PRICKLE2: variants seen among roughly 807,000 people sequenced by gnomAD.
The protein encoded by PRICKLE2 is prickle-like protein 2.
PRICKLE2 carries 21 observed loss-of-function variants against 81.4 expected under a neutral mutation model. The observed-to-expected ratio is 0.26, with a 90% CI of 0.18 to 0.37. PRICKLE2 has a LOEUF of 0.37. PRICKLE2 is among the 10% of genes least tolerant of loss of function. The probability of loss-of-function intolerance (pLI) is 1.00; values close to 1 mark genes in which losing one functional copy is unlikely to be tolerated. For synonymous variants in PRICKLE2, 456 were observed against 421.5 expected, an observed-to-expected ratio of 1.08 and a Z score of -1.00; for missense variants, 940 against 1,109.0, an observed-to-expected ratio of 0.85 and a Z score of 2.16.
intron 2 of PRICKLE2, chr3:64,187,617 G>A (rs2078259287): frequency 6.6e-6 from 1 of 152,222 alleles, no homozygotes; most frequent in African/African-American, 2.4e-5. Context: ...TGAGTCTAAT[G>A]ATGGTTTTTA....
chr3:64,156,762 G>A (rs1387540735), intron 5 of PRICKLE2, among the ~76,000 whole-genome samples: 1 of 152,022 alleles, frequency 6.6e-6, no homozygotes, highest in Admixed American at 6.6e-5. Flanking sequence ...AGTGAATCTT[G>A]GAAAATGAAA....
chr3:64,260,225 G>A (rs1042561698), intron 2 of PRICKLE2, among the ~76,000 whole-genome samples: 1 of 152,140 alleles, frequency 6.6e-6, no homozygotes. Flanking sequence ...CTCAGGAAGT[G>A]CTGCAGTACA....
chr3:64,177,214 C>A (rs530387260), intron 2 of PRICKLE2, among the ~76,000 whole-genome samples: 6 of 127,904 alleles, frequency 4.7e-5, no homozygotes, highest in African/African-American at 1.8e-4. Context: ...CGGCTCACTG[C>A]AACCTCCGTC....
Position 64,099,819 on chromosome 3 carries a change from G to T in PRICKLE2, c.1767C>A (p.Asn589Lys). 1 of 1,614,198 alleles carries T rather than the reference G, an allele frequency of 6.2e-7. No individual in the cohort carries two copies. Among genetic ancestry groups the T allele is most frequent in the Non-Finnish European group, 8.5e-7 (1 of 1,180,032 alleles). ...GCATGGACGAGTTAAGAGTGCCCATGTTGCTCAGCTTCTCAGACACATTCA... is the reference window on the plus strand; with the variant it reads ...GCATGGACGAGTTAAGAGTGCCCATTTTGCTCAGCTTCTCAGACACATTCA... ...SGMNVSEKLS[N>K]MGTLNSSMQF... The change falls in exon 8 of 8, where the codon AAC becomes AAA. Residue 589 changes from asparagine to lysine, a missense_variant. This residue lies in a region of PRICKLE2 where 670 missense variants were observed against 717.2 expected (regional missense o/e 0.93). Transcript: ENST00000638394. This position sits in a 1 kb window ranked among gnomAD's most constrained non-coding sequence, Gnocchi z 4.3.
In PRICKLE2 at chr3:64,099,109, C is replaced by T; in HGVS notation, c.2477G>A (p.Gly826Asp). 1.2e-6 allele frequency: 2 copies of T among 1,614,212 alleles called. No homozygotes were observed. The highest frequency in any genetic ancestry group is 1.7e-6 in the Non-Finnish European group (2 of 1,180,038). The change falls in exon 8 of 8, where the codon GGC becomes GAC. Residue 826 changes from glycine to aspartate, a missense_variant. This residue lies in a region of PRICKLE2 where 670 missense variants were observed against 717.2 expected (regional missense o/e 0.93). Coordinates refer to ENST00000638394, the MANE Select transcript of PRICKLE2 (RefSeq NM_198859.4). This position sits in a 1 kb window ranked among gnomAD's most constrained non-coding sequence, Gnocchi z 4.3. ...YGLPKSSTLGGRGQLHSRKRQ... is the reference protein window; with the variant it reads ...YGLPKSSTLGDRGQLHSRKRQ... The stretch of plus-strand genomic sequence containing the variant: ...TTTCCTGCTGTGCAACTGTCCTCTG[C>T]CACCTAATGTGGAAGATTTGGGGAG...
At chr3:64,180,325 G>T (rs1467724806) in intron 2 of PRICKLE2, among the ~76,000 whole-genome samples, 1 of 152,134 alleles carries the variant, frequency 6.6e-6, no homozygotes, top group Non-Finnish European at 1.5e-5. Context: ...AAAATATACA[G>T]AATATAAAAT....
intron 1 of PRICKLE2, among the ~76,000 whole-genome samples, chr3:64,209,007 C>T (rs1247743383): frequency 1.3e-5 from 2 of 151,996 alleles, no homozygotes; most frequent in African/African-American, 4.8e-5. Flanking sequence ...CATTCATATC[C>T]ATACATACAT....
At chr3:64,163,160 C>A (rs760054527) in intron 2 of PRICKLE2, 31 bp from the exon 3 acceptor site, 1 of 1,315,126 alleles carries the variant, frequency 7.6e-7, no homozygotes, top group Non-Finnish European at 1.1e-6. Context: ...AGATGACTTG[C>A]CCATTACTCA....
intron 2 of PRICKLE2, among the ~76,000 whole-genome samples, chr3:64,260,334 C>T (rs1232428213): frequency 6.6e-6 from 1 of 152,176 alleles, no homozygotes; most frequent in Non-Finnish European, 1.5e-5. Flanking sequence ...CTAAAGCCCC[C>T]TAACACAGTG....
At chr3:64,108,345 T>G (rs1486680619) in intron 7 of PRICKLE2, among the ~76,000 whole-genome samples, 1 of 152,208 alleles carries the variant, frequency 6.6e-6, no homozygotes, top group Non-Finnish European at 1.5e-5. Flanking sequence ...GGCGGTAGCT[T>G]GATCAGGTCC....
At chr3:64,203,737 G>C (rs886881266) in intron 1 of PRICKLE2, among the ~76,000 whole-genome samples, 1 of 151,832 alleles carries the variant, frequency 6.6e-6, no homozygotes, top group East Asian at 1.9e-4. Context: ...AATAACTCGA[G>C]GTGGATGGAT....
At chr3:64,145,015 G>T (rs915431703) in intron 7 of PRICKLE2, among the ~76,000 whole-genome samples, 3 of 150,964 alleles carry the variant, frequency 2.0e-5, no homozygotes, top group Non-Finnish European at 4.4e-5. Flanking sequence ...CTATCACAGA[G>T]AAAATCTACG....
At chr3:64,113,438 G>A (rs1234338078) in intron 7 of PRICKLE2, among the ~76,000 whole-genome samples, 1 of 152,108 alleles carries the variant, frequency 6.6e-6, no homozygotes, top group Non-Finnish European at 1.5e-5. Flanking sequence ...TACCTTGGGG[G>A]CCCACAGCAT....
intron 2 of PRICKLE2, among the ~76,000 whole-genome samples, chr3:64,254,992 G>C (rs1275662455): frequency 6.6e-6 from 1 of 152,088 alleles, no homozygotes; most frequent in Non-Finnish European, 1.5e-5. Context: ...CAAGCATTTA[G>C]ATATTCTCCC....
chr3:64,164,857 C>A (rs867111905), intron 2 of PRICKLE2, among the ~76,000 whole-genome samples: 5 of 152,192 alleles, frequency 3.3e-5, no homozygotes, highest in Non-Finnish European at 5.9e-5. Flanking sequence ...TAGAAGCTGG[C>A]AATTTGCCTA....
intron 2 of PRICKLE2, among the ~76,000 whole-genome samples, chr3:64,244,063 C>T (rs950460809): frequency 1.3e-5 from 2 of 152,132 alleles, no homozygotes; most frequent in African/African-American, 2.4e-5. Flanking sequence ...CATGACGAAT[C>T]AAAGACAACA....
At chr3:64,141,723 G>A (rs2077365356) in intron 7 of PRICKLE2, 1 of 827,214 alleles carries the variant, frequency 1.2e-6, no homozygotes, top group African/African-American at 1.8e-5. Context: ...ATCTGAGGCT[G>A]ACAAGCCAGT....
chr3:64,200,613 C>G (rs933163317), intron 1 of PRICKLE2: 1 of 151,848 alleles, frequency 6.6e-6, no homozygotes, highest in African/African-American at 2.4e-5. Context: ...CATGCCACCA[C>G]GCCTGGCTTT....
intron 3 of PRICKLE2, 106 bp from the exon 4 acceptor site, chr3:64,160,183 T>C: frequency 7.9e-7 from 1 of 1,259,742 alleles, no homozygotes; most frequent in Non-Finnish European, 1.1e-6. Context: ...CATTTGGTTT[T>C]ATAGCCCTCG....
Sources: gnomAD v4.1 joint callset for allele counts (sites outside exome capture counted in the v4.1 genomes callset) on GRCh38, gnomAD v4.1.1 for gene constraint, gnomAD v4.1.1 regional missense constraint, Gnocchi (gnomAD v3.1) non-coding constraint, MANE v1.5 for transcripts, NCBI Gene and HGNC (gene_info 2026-07-23, HGNC 2026-07-21) for gene names.